ADCY10: variants seen among roughly 807,000 people sequenced by gnomAD.
ADCY10 encodes the protein adenylate cyclase 10, also known as adenylate cyclase type 10.
ADCY10 carries 156 observed loss-of-function variants against 183.3 expected under a neutral mutation model. That is an observed-to-expected ratio of 0.85 (90% CI 0.75 to 0.97). The LOEUF (loss-of-function observed/expected upper bound fraction) is 0.97. Ranked by LOEUF, ADCY10 falls within the 50% of genes least tolerant of loss-of-function variation. The pLI is 0.00. For synonymous variants in ADCY10, 645 were observed against 670.0 expected (o/e 0.96, Z 0.58); for missense variants, 1,745 against 1,934.3 (o/e 0.90, Z 1.84).
At position 167,900,565 on chromosome 1, in the gene ADCY10, G is replaced by A. The variant is rs999136371; in HGVS notation, c.437-937C>T. On this transcript the variant is annotated intron_variant, in intron 5 of 32. Coordinates refer to ENST00000367851, the MANE Select transcript of ADCY10 (RefSeq NM_018417.6). ...TTTTTTTTTTGAGATGGAGTTTCAC[G>A]CTTGTTGCCCAGGCTGGAGTGCAAT... 7.9e-5 allele frequency among the ~76,000 whole-genome samples: 12 copies of A among 151,048 alleles called. 1 individual carries two copies. The South Asian group carries it at 1.3e-3, about 16-fold the overall frequency.
rs563978638 is a variant in ADCY10 at position 167,887,023 on chromosome 1, A to G, written c.829-3395T>C. 8.5e-5 allele frequency among the ~76,000 whole-genome samples: 13 copies of G among 152,292 alleles called. No homozygotes were observed. The East Asian group carries it at 2.3e-3, about 27-fold the overall frequency. On this transcript the variant is annotated intron_variant, in intron 8 of 32. Transcript: ENST00000367851. ...ACCATCTCACACCAGTTAGAATGGC[A>G]ATCATTAAAAAGTCAGGAAACAACA...
chr1:167,886,192 A>G (rs548914968), intron 8 of ADCY10, among the ~76,000 whole-genome samples: 1 of 152,318 alleles, frequency 6.6e-6, no homozygotes, highest in African/African-American at 2.4e-5. Context: ...AATTGGAAAA[A>G]TCTACTTTAA....
chr1:167,840,620 T>G (rs1664553463), intron 21 of ADCY10, among the ~76,000 whole-genome samples: 1 of 152,130 alleles, frequency 6.6e-6, no homozygotes, highest in South Asian at 2.1e-4. Flanking sequence ...CCTCACAAAG[T>G]GCTGCAATTA....
intron 14 of ADCY10, among the ~76,000 whole-genome samples, chr1:167,866,530 C>CAAAAA (rs57450280): frequency 9.0e-6 from 1 of 110,782 alleles, no homozygotes; most frequent in African/African-American, 2.9e-5. Context: ...CTCTATGTGC[C>CAAAAA]AAAAAAAAAA....
At chr1:167,862,272 T>C (rs1311591573) in intron 14 of ADCY10, among the ~76,000 whole-genome samples, 1 of 152,226 alleles carries the variant, frequency 6.6e-6, no homozygotes, top group East Asian at 1.9e-4. Context: ...TCGTTGCAGA[T>C]ACAATTAGTT....
chr1:167,903,255 C>CA (rs10636915), intron 3 of ADCY10, among the ~76,000 whole-genome samples: 5,402 of 143,194 alleles, frequency 0.038, 220 homozygotes, highest in African/African-American at 0.1. Context: ...GACTCTGACT[C>CA]AAAAAAAAAA....
At chr1:167,823,638 G>A (rs1345003279) in intron 28 of ADCY10, among the ~76,000 whole-genome samples, 1 of 152,124 alleles carries the variant, frequency 6.6e-6, no homozygotes, top group Non-Finnish European at 1.5e-5. Context: ...AAAAAAAGCA[G>A]TGGATAGGAT....
rs533780906 is a variant in ADCY10, at chr1:167,856,418, T to C, written c.1918A>G (p.Ile640Val). ...LKLIVKEERI[I>V]FIIDEAQFVD... ...AACTGGGCCTCATCAATGATAAAAA[T>C]AATCCTTTCCTCTTTCACTATCTGG... Residue 640 changes from isoleucine (I) to valine (V), a missense_variant, in exon 17 of 33, where the codon ATT (isoleucine) becomes GTT (valine). Physicochemically the swap from Ile to Val is conservative, Grantham distance 29. Transcript: ENST00000367851. The C allele has an allele frequency of 3.1e-5, 50 of 1,614,058 alleles. No homozygotes were observed. The highest frequency in any genetic ancestry group is 4.0e-5 in the Non-Finnish European group (47 of 1,180,036).
chr1:167,887,305 A>C (rs1668295270), intron 8 of ADCY10, among the ~76,000 whole-genome samples: 1 of 152,244 alleles, frequency 6.6e-6, no homozygotes, highest in African/African-American at 2.4e-5. Flanking sequence ...CCAAATGTCC[A>C]TCAGTGGTAG....
intron 30 of ADCY10, chr1:167,819,841 A>C: frequency 2.9e-6 from 2 of 694,488 alleles, no homozygotes; most frequent in Non-Finnish European, 5.2e-6. Context: ...CTGGGATTAC[A>C]GGTGTCAGCC....
At chr1:167,904,338 G>A (rs1396754485) in intron 2 of ADCY10, among the ~76,000 whole-genome samples, 5 of 151,856 alleles carry the variant, frequency 3.3e-5, no homozygotes, top group East Asian at 1.9e-4. Context: ...CGCCCTCCTC[G>A]GCCTCCAAAA....
At chr1:167,818,395 A>C (rs779444744) in intron 30 of ADCY10, 128 bp from the exon 31 acceptor site, 3 of 843,258 alleles carry the variant, frequency 3.6e-6, no homozygotes, top group Non-Finnish European at 4.1e-6. Context: ...TCTCCTGCCT[A>C]CCCCTGCTTC....
Position 167,809,871 on chromosome 1 carries a change from T to C in ADCY10, c.4672-32A>G, listed in dbSNP as rs757508306. The C allele has an allele frequency of 1.9e-6, 3 of 1,608,054 alleles. No individual in the cohort carries two copies. In the African/African-American group the frequency reaches 4.0e-5, roughly 21 times the overall value. ...GGAAAGAAACAGAACAAAGAAATCATTAGTGCTTCTTGACTTTTGTAATCA... is the reference window on the plus strand; with the variant it reads ...GGAAAGAAACAGAACAAAGAAATCACTAGTGCTTCTTGACTTTTGTAATCA... On this transcript the variant is annotated intron_variant, in intron 32 of 32. Coordinates refer to ENST00000367851, the MANE Select transcript of ADCY10 (RefSeq NM_018417.6).
intron 28 of ADCY10, among the ~76,000 whole-genome samples, chr1:167,823,407 AGAGCGAAACTCCATCTC>A: frequency 6.8e-6 from 1 of 146,472 alleles, no homozygotes; most frequent in Non-Finnish European, 1.5e-5. Context: ...CCTGGGCAAA[AGAGCGAAACTCCATCTC>A]AAAAAAAAAA....
chr1:167,846,906 G>C (rs899433777), intron 19 of ADCY10, among the ~76,000 whole-genome samples: 4 of 151,772 alleles, frequency 2.6e-5, no homozygotes, highest in Non-Finnish European at 5.9e-5. Context: ...AAAAAACACA[G>C]TAGAAACTAA....
intron 18 of ADCY10, among the ~76,000 whole-genome samples, chr1:167,852,967 G>A (rs1025358336): frequency 2.0e-5 from 3 of 152,112 alleles, no homozygotes; most frequent in Non-Finnish European, 4.4e-5. Flanking sequence ...TCACCCAGGA[G>A]GCAGGGGTTT....
Position 167,833,970 on chromosome 1 carries a change from C to A in ADCY10, c.3417G>T (p.Glu1139Asp), listed in dbSNP as rs1400777367. The A allele has an allele frequency of 6.2e-7, 1 of 1,612,036 alleles. No individual in the cohort carries two copies. The highest frequency in any genetic ancestry group is 8.5e-7 in the Non-Finnish European group (1 of 1,178,348). Residue 1139 changes from glutamate to aspartate, a missense_variant and splice_region_variant, in exon 24 of 33, where the codon GAG becomes GAT. Physicochemically the swap from Glu to Asp is conservative, Grantham distance 45 (BLOSUM62 2). Coordinates refer to ENST00000367851, the MANE Select transcript of ADCY10 (RefSeq NM_018417.6). ...ATTCAAGTCTTTAATGGTTTCTTAC[C>A]TCACCTTTGAGGCTGTAAAAGGTGG... Reference protein sequence around the residue: ...ESATFYSLKGEVCFNMGQIVL... With the variant: ...ESATFYSLKGDVCFNMGQIVL...
intron 8 of ADCY10, 36 bp downstream of exon 8, chr1:167,893,817 C>T (rs1179897585): frequency 7.0e-7 from 1 of 1,433,400 alleles, no homozygotes; most frequent in Middle Eastern, 1.8e-4. Flanking sequence ...AGATCCCTGA[C>T]ATCCCCAAAG....
Position 167,856,162 on chromosome 1 carries a change from T to C in ADCY10, c.2171+3A>G, listed in dbSNP as rs910433063. 1 of 1,613,856 alleles carries C rather than the reference T, an allele frequency of 6.2e-7. No homozygotes were observed. Among genetic ancestry groups the C allele is most frequent in the Non-Finnish European group, 8.5e-7 (1 of 1,179,866 alleles). On this transcript the variant is annotated splice_donor_region_variant and intron_variant, in intron 17 of 32. Transcript: ENST00000367851. ...GAGTTCAGAATAGAAAGAGGTTACT[T>C]ACGAGTCCAGTTCTTTGGAGATGCA...
Sources: gnomAD v4.1 joint callset for allele counts (sites outside exome capture counted in the v4.1 genomes callset) on GRCh38, gnomAD v4.1.1 for gene constraint, MANE v1.5 for transcripts, NCBI Gene and HGNC (gene_info 2026-07-23, HGNC 2026-07-21) for gene names.